AXDND1: variants seen among roughly 807,000 people sequenced by gnomAD.
The protein encoded by AXDND1 is axonemal dynein light chain domain-containing protein 1.
Under a neutral mutation model 137.5 loss-of-function variants are expected in AXDND1, and 110 were observed. That is an observed-to-expected ratio of 0.80 (90% CI 0.69 to 0.94). AXDND1 has a LOEUF of 0.94. AXDND1 is among the 40% of genes least tolerant of loss of function. The pLI is 0.00. For synonymous variants in AXDND1, 414 were observed against 399.7 expected (o/e 1.04, Z -0.43); for missense variants, 1,191 against 1,169.8 (o/e 1.02, Z -0.26).
At chr1:179,462,046 C>T (rs1043398008) in intron 16 of AXDND1, among the ~76,000 whole-genome samples, 6 of 152,126 alleles carry the variant, frequency 3.9e-5, no homozygotes, top group Non-Finnish European at 7.4e-5. Context: ...TTTCTTTCTC[C>T]TGCCTGATTG....
intron 11 of AXDND1, among the ~76,000 whole-genome samples, chr1:179,403,954 C>A (rs4652376): frequency 0.64 from 97,253 of 151,556 alleles, 31,539 homozygotes; most frequent in Middle Eastern, 0.7. Flanking sequence ...ACAGTAATAC[C>A]GTATGTACTG....
chr1:179,514,469 C>T lies in AXDND1; in HGVS notation c.2496+5066C>T, dbSNP rs144562237. On this transcript the variant is annotated intron_variant, in intron 21 of 25. Coordinates refer to ENST00000367618, the MANE Select transcript of AXDND1 (RefSeq NM_144696.6). ...CAATTTTCTTAAATTTATTGAGGCTCATCTAGTGGCCTATCACATGGTCTA... is the reference window on the plus strand; with the variant it reads ...CAATTTTCTTAAATTTATTGAGGCTTATCTAGTGGCCTATCACATGGTCTA... Among the ~76,000 whole-genome samples the T allele has an allele frequency of 5.1e-3, 780 of 152,136 alleles. 5 individuals are homozygous for T. The highest frequency in any genetic ancestry group is 0.018 in the African/African-American group (730 of 41,514).
At chr1:179,378,315 C>T (rs983079622) in intron 4 of AXDND1, among the ~76,000 whole-genome samples, 2 of 152,050 alleles carry the variant, frequency 1.3e-5, no homozygotes, top group African/African-American at 4.8e-5. Flanking sequence ...TGGAATGAGA[C>T]TCCTGAGGAT....
chr1:179,433,586 A>G (rs573362654), intron 15 of AXDND1, among the ~76,000 whole-genome samples: 2 of 152,332 alleles, frequency 1.3e-5, no homozygotes, highest in East Asian at 3.9e-4. Context: ...TTGGTTTCAA[A>G]GAACTTCTTG....
At chr1:179,518,697 T>C (rs78005381) in intron 21 of AXDND1, among the ~76,000 whole-genome samples, 1 of 152,228 alleles carries the variant, frequency 6.6e-6, no homozygotes, top group African/African-American at 2.4e-5. Flanking sequence ...GCTCCATCCA[T>C]GTCCCTGCAA....
chr1:179,520,553 T>C (rs530393875), intron 21 of AXDND1, among the ~76,000 whole-genome samples: 1 of 152,018 alleles, frequency 6.6e-6, no homozygotes, highest in South Asian at 2.1e-4. Context: ...GCTGGGACTA[T>C]GGCATGCACC....
intron 15 of AXDND1, among the ~76,000 whole-genome samples, chr1:179,444,238 A>G (rs753815840): frequency 6.6e-6 from 1 of 152,076 alleles, no homozygotes; most frequent in Non-Finnish European, 1.5e-5. Context: ...CTGCCCTATG[A>G]TGCAAGTCTT....
chr1:179,383,403 C>T, intron 7 of AXDND1, 39 bp from the exon 8 acceptor site: 1 of 1,453,588 alleles, frequency 6.9e-7, no homozygotes, highest in South Asian at 1.2e-5. Context: ...TTCCCTGTTG[C>T]AATGTTAATT....
intron 25 of AXDND1, among the ~76,000 whole-genome samples, chr1:179,539,089 A>G (rs1344182416): frequency 6.6e-6 from 1 of 151,962 alleles, no homozygotes; most frequent in Admixed American, 6.6e-5. Flanking sequence ...GTGTCTTTGC[A>G]CAGGAGATGG....
intron 15 of AXDND1, among the ~76,000 whole-genome samples, chr1:179,440,677 C>A (rs1367763466): frequency 6.6e-6 from 1 of 152,200 alleles, no homozygotes; most frequent in Non-Finnish European, 1.5e-5. Flanking sequence ...TTCTCATTAC[C>A]TAGAGATAGT....
At chr1:179,377,544 T>G (rs1222201757) in intron 4 of AXDND1, among the ~76,000 whole-genome samples, 1 of 152,190 alleles carries the variant, frequency 6.6e-6, no homozygotes, top group Admixed American at 6.5e-5. Context: ...TGGCCTAGCT[T>G]AGACCACTTG....
chr1:179,492,520 T>C (rs899911782), intron 19 of AXDND1, among the ~76,000 whole-genome samples: 5 of 151,978 alleles, frequency 3.3e-5, no homozygotes, highest in Non-Finnish European at 7.4e-5. Flanking sequence ...GTCTGGAAAA[T>C]TGTAATCTAT....
chr1:179,518,156 C>T (rs1378596983), intron 21 of AXDND1, among the ~76,000 whole-genome samples: 2 of 152,160 alleles, frequency 1.3e-5, no homozygotes, highest in Non-Finnish European at 2.9e-5. Context: ...TAATATGTCT[C>T]CTCGTAGCTT....
At chr1:179,492,577 G>A (rs1667039957) in intron 19 of AXDND1, among the ~76,000 whole-genome samples, 1 of 152,144 alleles carries the variant, frequency 6.6e-6, no homozygotes, top group Non-Finnish European at 1.5e-5. Context: ...AATTCAGGAA[G>A]TAGCTTTTGC....
At chr1:179,418,982 C>T (rs140488184) in intron 12 of AXDND1, among the ~76,000 whole-genome samples, 49,781 of 148,770 alleles carry the variant, frequency 0.33, 8,596 homozygotes, top group Middle Eastern at 0.43. Context: ...CCAGACGAGG[C>T]GGCGGGGCAG....
intron 14 of AXDND1, among the ~76,000 whole-genome samples, chr1:179,431,909 G>A (rs1657438542): frequency 6.6e-6 from 1 of 152,158 alleles, no homozygotes; most frequent in South Asian, 2.1e-4. Flanking sequence ...TAAATGTTGA[G>A]TCTTAATCAC....
At chr1:179,529,734 C>T (rs954547646) in intron 23 of AXDND1, among the ~76,000 whole-genome samples, 6 of 152,142 alleles carry the variant, frequency 3.9e-5, no homozygotes, top group Admixed American at 2.0e-4. Flanking sequence ...AAAGGGGAAG[C>T]GGCGGTGACT....
At chr1:179,493,791 A>C (rs1255339662) in intron 20 of AXDND1, among the ~76,000 whole-genome samples, 1 of 152,226 alleles carries the variant, frequency 6.6e-6, no homozygotes, top group Non-Finnish European at 1.5e-5. Flanking sequence ...TGATCTTTAC[A>C]CATTGTACAC....
intron 25 of AXDND1, among the ~76,000 whole-genome samples, chr1:179,541,076 A>G (rs966687779): frequency 1.3e-5 from 2 of 152,234 alleles, no homozygotes; most frequent in African/African-American, 4.8e-5. Flanking sequence ...CCTAGCAGCA[A>G]GAATTTCAAG....
Sources: allele counts gnomAD v4.1 joint callset (sites outside exome capture counted in the v4.1 genomes callset), GRCh38; gene constraint gnomAD v4.1.1; transcripts MANE v1.5; gene names NCBI Gene and HGNC (gene_info 2026-07-23, HGNC 2026-07-21).